COL6A3: variants seen among roughly 807,000 people sequenced by gnomAD.
COL6A3 encodes the protein collagen type VI alpha 3 chain.
COL6A3 carries 137 observed loss-of-function variants against 274.1 expected under a neutral mutation model. The observed-to-expected ratio is 0.50, with a 90% confidence interval of 0.44 to 0.58. The LOEUF (loss-of-function observed/expected upper bound fraction) is 0.58. COL6A3 is among the 20% of genes least tolerant of loss of function. The pLI, the probability that COL6A3 is intolerant of heterozygous loss-of-function variation, is 0.00. For missense variants in COL6A3, 3,950 were observed against 4,124.9 expected (o/e 0.96, Z 1.16); for synonymous variants, 1,650 against 1,650.6 (o/e 1.00, Z 0.01).
At chr2:237,369,209 C>G (rs778383862) in intron 9 of COL6A3, 32 bp from the exon 10 acceptor site, 1 of 1,601,984 alleles carries the variant, frequency 6.2e-7, no homozygotes, top group Non-Finnish European at 8.5e-7. Context: ...GGGAAACATT[C>G]AGTGTGTAAG....
chr2:237,349,698 C>T (rs887527206), intron 28 of COL6A3, among the ~76,000 whole-genome samples: 1 of 152,174 alleles, frequency 6.6e-6, no homozygotes, highest in Non-Finnish European at 1.5e-5. Flanking sequence ...AAACGAGTTA[C>T]TGAGGTAATA....
chr2:237,344,325 C>A lies in COL6A3; in HGVS notation c.7668+25G>T, dbSNP rs1299279656. The A allele has an allele frequency of 6.2e-7, 1 of 1,614,096 alleles. No individual in the cohort carries two copies. Among genetic ancestry groups the A allele is most frequent in the Non-Finnish European group, 8.5e-7 (1 of 1,180,022 alleles). On this transcript the variant is annotated intron_variant, in intron 36 of 43. Transcript: ENST00000295550. The surrounding 1 kb of genome is among the most constrained non-coding windows in gnomAD (Gnocchi z 4.8). ...CAGAGCCCCAGAAGAAAGGGAGATG[C>A]CAACAGCACGCACAGAGCACAGACC...
intron 1 of COL6A3, among the ~76,000 whole-genome samples, chr2:237,403,993 C>T (rs2078660612): frequency 6.6e-6 from 1 of 151,724 alleles, no homozygotes; most frequent in Non-Finnish European, 1.5e-5. Flanking sequence ...ATTGCAATAT[C>T]TAATTTTTTG....
At chr2:237,348,509 A>C in intron 29 of COL6A3, 104 bp downstream of exon 29, 1 of 1,390,508 alleles carries the variant, frequency 7.2e-7, no homozygotes, top group South Asian at 1.2e-5. Flanking sequence ...AAATACAAAG[A>C]CAATTTTTAA....
chr2:237,352,378 G>C, intron 26 of COL6A3, 144 bp downstream of exon 26: 1 of 833,888 alleles, frequency 1.2e-6, no homozygotes, highest in Non-Finnish European at 2.0e-6. Context: ...AAGGCCTGAG[G>C]TTAAATCTGG....
At chr2:237,383,441 C>T (rs2078062267) in intron 4 of COL6A3, among the ~76,000 whole-genome samples, 1 of 152,108 alleles carries the variant, frequency 6.6e-6, no homozygotes, top group Non-Finnish European at 1.5e-5. Context: ...TGGGCTACCC[C>T]TTCATTTTGA....
intron 3 of COL6A3, among the ~76,000 whole-genome samples, chr2:237,393,677 G>A (rs2078349721): frequency 6.6e-6 from 1 of 152,204 alleles, no homozygotes; most frequent in African/African-American, 2.4e-5. Context: ...CATCGCTGAT[G>A]AGTAAGCTCT....
At chr2:237,326,439 C>A (rs4663724) in intron 42 of COL6A3, 58,314 of 151,946 alleles carry the variant, frequency 0.38, 12,179 homozygotes, top group African/African-American at 0.56. Flanking sequence ...TTTATGTTTC[C>A]AATGCACACG....
chr2:237,393,863 C>T (rs1296740580), intron 3 of COL6A3, among the ~76,000 whole-genome samples: 2 of 152,124 alleles, frequency 1.3e-5, no homozygotes, highest in Non-Finnish European at 2.9e-5. Flanking sequence ...CACATCGATG[C>T]AATGTCCGTG....
intron 4 of COL6A3, among the ~76,000 whole-genome samples, chr2:237,384,503 T>A (rs939779073): frequency 1.3e-5 from 2 of 151,996 alleles, no homozygotes; most frequent in Non-Finnish European, 2.9e-5. Context: ...GCCCACAGTC[T>A]TCCTCATGCA....
intron 41 of COL6A3, among the ~76,000 whole-genome samples, chr2:237,333,948 GA>G (rs1700396075): frequency 6.6e-6 from 1 of 152,178 alleles, no homozygotes; most frequent in Admixed American, 6.5e-5. Flanking sequence ...CTGAAGAAAA[GA>G]GGAGCCTTCC....
At chr2:237,342,343 G>A in intron 36 of COL6A3, 182 bp from the exon 37 acceptor site, 1 of 629,012 alleles carries the variant, frequency 1.6e-6, no homozygotes, top group Non-Finnish European at 2.9e-6. Flanking sequence ...GAAAGACATA[G>A]GTTTTATTCT....
At chr2:237,395,577 A>C (rs1371470122) in intron 2 of COL6A3, among the ~76,000 whole-genome samples, 1 of 152,226 alleles carries the variant, frequency 6.6e-6, no homozygotes. Context: ...ACAGACAACC[A>C]ACCATCATTT....
intron 3 of COL6A3, among the ~76,000 whole-genome samples, chr2:237,389,209 G>T (rs1232176704): frequency 1.3e-5 from 2 of 152,166 alleles, no homozygotes; most frequent in Non-Finnish European, 2.9e-5. Flanking sequence ...GCAGCCCTGA[G>T]GGAGGAATAG....
At chr2:237,331,694 G>A (rs1700233495) in intron 42 of COL6A3, among the ~76,000 whole-genome samples, 1 of 149,436 alleles carries the variant, frequency 6.7e-6, no homozygotes, top group Non-Finnish European at 1.5e-5. Flanking sequence ...AGAGATCAGA[G>A]ATCAATTATG....
At chr2:237,384,634 T>A (rs1252355634) in intron 4 of COL6A3, among the ~76,000 whole-genome samples, 1 of 152,098 alleles carries the variant, frequency 6.6e-6, no homozygotes, top group Non-Finnish European at 1.5e-5. Context: ...CATGCCTCCT[T>A]GGGAAGTTGG....
chr2:237,386,183 T>C (rs2078139907), intron 4 of COL6A3, among the ~76,000 whole-genome samples: 1 of 152,208 alleles, frequency 6.6e-6, no homozygotes, highest in Non-Finnish European at 1.5e-5. Context: ...GTAACCCTTG[T>C]AAGGAAATGT....
At chr2:237,379,365 A>T in intron 5 of COL6A3, 130 bp from the exon 6 acceptor site, 1 of 1,145,094 alleles carries the variant, frequency 8.7e-7, no homozygotes, top group East Asian at 2.5e-5. Flanking sequence ...AAGCATGTCC[A>T]TCTTGTAAAA....
chr2:237,329,274 C>T (rs13018217), intron 42 of COL6A3: 58,845 of 151,960 alleles, frequency 0.39, 11,852 homozygotes, highest in Middle Eastern at 0.49. Flanking sequence ...AGGCTGGTCT[C>T]GAACTCCTGA....
Sources: gnomAD v4.1 joint callset for allele counts (sites outside exome capture counted in the v4.1 genomes callset) on GRCh38, gnomAD v4.1.1 for gene constraint, Gnocchi (gnomAD v3.1) non-coding constraint, MANE v1.5 for transcripts, NCBI Gene and HGNC (gene_info 2026-07-23, HGNC 2026-07-21) for gene names.